Variants in NOX4 observed in about 807,000 individuals in gnomAD.
NOX4 encodes NADPH oxidase 4, also known as kidney oxidase-1.
NOX4 carries 69 observed loss-of-function variants against 87.6 expected under a neutral mutation model. The observed-to-expected ratio is 0.79, with a 90% confidence interval of 0.65 to 0.96. NOX4 has a LOEUF of 0.96. NOX4 is among the 40% of genes least tolerant of loss of function. The pLI, the probability that NOX4 is intolerant of heterozygous loss-of-function variation, is 0.00. For missense variants in NOX4, 680 were observed against 681.5 expected (o/e 1.00, Z 0.02); for synonymous variants, 275 against 238.2 (o/e 1.15, Z -1.42).
At chr11:89,445,777 G>A (rs776659578) in intron 4 of NOX4, among the ~76,000 whole-genome samples, 2 of 152,008 alleles carry the variant, frequency 1.3e-5, no homozygotes, top group Non-Finnish European at 2.9e-5. Flanking sequence ...AAGGATACAC[G>A]GGAAAAAGTC....
At chr11:89,346,126 T>C (rs1946205266) in intron 13 of NOX4, among the ~76,000 whole-genome samples, 1 of 152,206 alleles carries the variant, frequency 6.6e-6, no homozygotes, top group Admixed American at 6.5e-5. Flanking sequence ...AGCATTTCCA[T>C]GTACCAGTAA....
the NOX4 span, among the ~76,000 whole-genome samples, chr11:89,512,707 G>A: frequency 6.6e-6 from 1 of 152,190 alleles, no homozygotes; most frequent in East Asian, 1.9e-4. Flanking sequence ...CTTGGCTGTT[G>A]TAAATAATGC....
At position 89,337,471 on chromosome 11, in the gene NOX4, G is replaced by A; in HGVS notation, c.1491C>T (p.Tyr497=). ...NRPDYVNIQL[Y]LSQTDGIQKI... Reference sequence around the variant, plus strand: ...CCTGTATCCCATCTGTTTGACTGAGGTACAGCTGGATGTTGACATAGTCAG... The same window carrying A: ...CCTGTATCCCATCTGTTTGACTGAGATACAGCTGGATGTTGACATAGTCAG... Residue 497 remains tyrosine, a synonymous_variant, in exon 16 of 18, where the codon TAC becomes TAT. Coordinates refer to ENST00000263317, the MANE Select transcript of NOX4 (RefSeq NM_016931.5). The A allele has an allele frequency of 1.2e-6, 2 of 1,612,356 alleles. No individual in the cohort carries two copies. Among genetic ancestry groups the A allele is most frequent in the Non-Finnish European group, 1.7e-6 (2 of 1,178,864 alleles).
At chr11:89,411,386 A>G (rs914134258) in intron 8 of NOX4, among the ~76,000 whole-genome samples, 13 of 152,182 alleles carry the variant, frequency 8.5e-5, no homozygotes, top group African/African-American at 2.6e-4. Flanking sequence ...CAGGTTACAT[A>G]CCAATTCAGC....
the NOX4 span, among the ~76,000 whole-genome samples, chr11:89,555,609 C>A: frequency 6.6e-6 from 1 of 152,034 alleles, no homozygotes; most frequent in African/African-American, 2.4e-5. Context: ...AAAGATGAGG[C>A]CTTCTCCAGG....
chr11:89,549,794 TC>T, the NOX4 span, among the ~76,000 whole-genome samples: 3 of 152,222 alleles, frequency 2.0e-5, no homozygotes, highest in Non-Finnish European at 2.9e-5. Flanking sequence ...TCCAGCTTCA[TC>T]CATGCCCCTG....
At chr11:89,470,718 C>T (rs1439151914) in intron 2 of NOX4, among the ~76,000 whole-genome samples, 1 of 152,042 alleles carries the variant, frequency 6.6e-6, no homozygotes, top group Non-Finnish European at 1.5e-5. Context: ...TGATCTAGTC[C>T]AACCTCCTTT....
intron 17 of NOX4, among the ~76,000 whole-genome samples, chr11:89,328,357 G>A (rs1401749039): frequency 6.6e-6 from 1 of 152,064 alleles, no homozygotes; most frequent in South Asian, 2.1e-4. Flanking sequence ...TATAAATACA[G>A]GGCAATGGGT....
chr11:89,438,850 ATAATATATTATATATTAT>A (rs1432527563), intron 6 of NOX4, among the ~76,000 whole-genome samples: 5 of 49,280 alleles, frequency 1.0e-4, no homozygotes, highest in African/African-American at 5.7e-4. Flanking sequence ...TATATATTAT[ATAATATATTATATATTAT>A]ATATATAATA....
intron 3 of NOX4, among the ~76,000 whole-genome samples, chr11:89,449,749 C>T (rs143111051): frequency 5.3e-5 from 8 of 151,826 alleles, no homozygotes; most frequent in African/African-American, 1.9e-4. Flanking sequence ...GTTCAAGACA[C>T]ATTGTTAGGT....
intron 12 of NOX4, among the ~76,000 whole-genome samples, chr11:89,373,212 C>G (rs1347870672): frequency 1.6e-5 from 2 of 123,866 alleles, no homozygotes; most frequent in Non-Finnish European, 3.2e-5. Flanking sequence ...TTACTGATAT[C>G]AAAGGTATTC....
intron 2 of NOX4, among the ~76,000 whole-genome samples, chr11:89,487,006 C>A (rs933523411): frequency 6.6e-6 from 1 of 151,938 alleles, no homozygotes; most frequent in African/African-American, 2.4e-5. Flanking sequence ...TACTAGAAAA[C>A]TTTAAATTAT....
At chr11:89,567,118 A>T in the NOX4 span, among the ~76,000 whole-genome samples, 7 of 152,076 alleles carry the variant, frequency 4.6e-5, no homozygotes, top group African/African-American at 1.4e-4. Context: ...GGTCCATGGG[A>T]CGGGGCCAGT....
chr11:89,447,315 C>A (rs1944750103), intron 4 of NOX4, among the ~76,000 whole-genome samples: 1 of 151,992 alleles, frequency 6.6e-6, no homozygotes, highest in African/African-American at 2.4e-5. Context: ...AATGCAAAGT[C>A]ATCTATAGAA....
intron 8 of NOX4, among the ~76,000 whole-genome samples, chr11:89,414,358 A>G (rs1942647130): frequency 6.6e-6 from 1 of 151,996 alleles, no homozygotes; most frequent in Non-Finnish European, 1.5e-5. Flanking sequence ...GAAAATTCAT[A>G]GCAAAATTCT....
At chr11:89,347,042 G>A (rs549042939) in intron 13 of NOX4, among the ~76,000 whole-genome samples, 19 of 152,146 alleles carry the variant, frequency 1.2e-4, no homozygotes, top group South Asian at 4.2e-4. Context: ...CCAGGTATTC[G>A]AATTTCACAT....
chr11:89,521,152 A>G, the NOX4 span, among the ~76,000 whole-genome samples: 1 of 152,048 alleles, frequency 6.6e-6, no homozygotes, highest in African/African-American at 2.4e-5. Context: ...AACTCTTAAT[A>G]TTGTTTTTCA....
intron 9 of NOX4, 52 bp downstream of exon 9, chr11:89,402,274 T>C: frequency 7.8e-7 from 1 of 1,287,290 alleles, no homozygotes; most frequent in South Asian, 1.2e-5. Flanking sequence ...GTGATGTTGA[T>C]CAGTCAAATG....
chr11:89,554,692 G>A, the NOX4 span, among the ~76,000 whole-genome samples: 1 of 152,044 alleles, frequency 6.6e-6, no homozygotes. Context: ...ACCCTCAGTT[G>A]TATTCTTAAT....
Sources: gnomAD v4.1 joint callset for allele counts (sites outside exome capture counted in the v4.1 genomes callset) on GRCh38, gnomAD v4.1.1 for gene constraint, MANE v1.5 for transcripts, NCBI Gene and HGNC (gene_info 2026-07-23, HGNC 2026-07-21) for gene names.